CTNNA3: variants seen among roughly 807,000 people sequenced by gnomAD.
The protein encoded by CTNNA3 is catenin alpha-3.
A neutral mutation model predicts 95.7 loss-of-function variants in CTNNA3; 76 were observed. The ratio of observed to expected loss-of-function variants is 0.79; its 90% CI spans 0.66 to 0.96. CTNNA3 has a LOEUF of 0.96. Ranked by LOEUF, CTNNA3 falls within the 40% of genes least tolerant of loss-of-function variation. CTNNA3 has a pLI of 0.00. For synonymous variants in CTNNA3, 431 were observed against 374.4 expected (o/e 1.15, Z -1.74); for missense variants, 1,191 against 1,089.8 (o/e 1.09, Z -1.31).
intron 13 of CTNNA3, among the ~76,000 whole-genome samples, chr10:66,209,677 G>A (rs956584047): frequency 3.3e-5 from 5 of 152,096 alleles, no homozygotes; most frequent in African/African-American, 1.2e-4. Flanking sequence ...GAAAAAAATA[G>A]AGGAGTCAGG....
intron 13 of CTNNA3, among the ~76,000 whole-genome samples, chr10:66,193,240 A>G (rs536513561): frequency 6.6e-6 from 1 of 152,264 alleles, no homozygotes; most frequent in East Asian, 1.9e-4. Context: ...CAGAGAGTAA[A>G]CCTTCAGGTT....
intron 15 of CTNNA3, among the ~76,000 whole-genome samples, chr10:66,024,085 AT>A (rs71474007): frequency 0.025 from 2,154 of 87,640 alleles, 38 homozygotes; most frequent in African/African-American, 0.079. Flanking sequence ...TACCATACAC[AT>A]TTTTTTTTTT....
At chr10:65,965,030 A>G (rs996721805) in intron 17 of CTNNA3, among the ~76,000 whole-genome samples, 1 of 152,230 alleles carries the variant, frequency 6.6e-6, no homozygotes, top group African/African-American at 2.4e-5. Context: ...GGGCACTAGT[A>G]ATGCACTCAC....
At chr10:67,029,420 G>A (rs1489033035) in intron 7 of CTNNA3, among the ~76,000 whole-genome samples, 4 of 152,164 alleles carry the variant, frequency 2.6e-5, no homozygotes, top group Non-Finnish European at 5.9e-5. Flanking sequence ...GGTTAAAGCA[G>A]TTGGCATTTG....
chr10:66,038,845 T>C (rs947960370), intron 15 of CTNNA3, among the ~76,000 whole-genome samples: 25 of 152,140 alleles, frequency 1.6e-4, no homozygotes, highest in African/African-American at 5.6e-4. Context: ...AAGAAAAGAA[T>C]GTTCTCTGTC....
chr10:67,175,377 C>G (rs763812740), intron 7 of CTNNA3, among the ~76,000 whole-genome samples: 38 of 152,010 alleles, frequency 2.5e-4, no homozygotes, highest in Non-Finnish European at 4.0e-4. Context: ...AGGAAAAATC[C>G]CATAACATCT....
chr10:66,895,088 G>A (rs1391483276), intron 7 of CTNNA3, among the ~76,000 whole-genome samples: 2 of 146,568 alleles, frequency 1.4e-5, no homozygotes, highest in African/African-American at 2.5e-5. Context: ...TGTCCTACTT[G>A]GAAATGTAGC....
chr10:66,664,909 A>C (rs1400819710), intron 9 of CTNNA3, among the ~76,000 whole-genome samples: 1 of 141,642 alleles, frequency 7.1e-6, no homozygotes, highest in Non-Finnish European at 1.5e-5. Context: ...AAAAAAAAAA[A>C]ACAGAGATCC....
intron 15 of CTNNA3, among the ~76,000 whole-genome samples, chr10:65,992,358 A>C (rs2078562871): frequency 6.6e-6 from 1 of 152,110 alleles, no homozygotes; most frequent in Non-Finnish European, 1.5e-5. Flanking sequence ...AGAATTCAGC[A>C]ATAAAGGAAC....
chr10:66,149,666 CTTTA>C (rs2084086942), intron 13 of CTNNA3, among the ~76,000 whole-genome samples: 1 of 151,762 alleles, frequency 6.6e-6, no homozygotes, highest in African/African-American at 2.4e-5. Flanking sequence ...TATACTTTTA[CTTTA>C]TTTAGAATGG....
chr10:66,928,565 C>A, intron 7 of CTNNA3: 1 of 980,862 alleles, frequency 1.0e-6, no homozygotes, highest in Non-Finnish European at 1.5e-6. Context: ...TTCCCTCTCC[C>A]TCTCACTTTG....
At chr10:67,359,489 A>G (rs1842925720) in intron 5 of CTNNA3, among the ~76,000 whole-genome samples, 1 of 152,140 alleles carries the variant, frequency 6.6e-6, no homozygotes, top group African/African-American at 2.4e-5. Flanking sequence ...GGAAGCAAGT[A>G]AAACGATCTA....
intron 15 of CTNNA3, 62 bp from the exon 16 acceptor site, chr10:65,988,859 T>C (rs945553588): frequency 1.8e-5 from 22 of 1,194,296 alleles, no homozygotes; most frequent in Non-Finnish European, 2.5e-5. Flanking sequence ...TTAGCTACGA[T>C]GGTTCATGAA....
intron 9 of CTNNA3, among the ~76,000 whole-genome samples, chr10:66,713,554 T>G (rs562111242): frequency 2.0e-4 from 31 of 152,190 alleles, no homozygotes; most frequent in Admixed American, 1.8e-3. Flanking sequence ...GGTTCCCTAC[T>G]AATAGATTAT....
chr10:66,019,827 G>C (rs1292793442), intron 15 of CTNNA3, among the ~76,000 whole-genome samples: 1 of 151,906 alleles, frequency 6.6e-6, no homozygotes, highest in Non-Finnish European at 1.5e-5. Flanking sequence ...AACTTTTTTT[G>C]TTTTCTGTCT....
chr10:66,642,222 T>G (rs952391176), intron 9 of CTNNA3, among the ~76,000 whole-genome samples: 1 of 150,520 alleles, frequency 6.6e-6, no homozygotes, highest in Non-Finnish European at 1.5e-5. Context: ...CTTCAGAAAA[T>G]TCTGCAATTA....
intron 12 of CTNNA3, among the ~76,000 whole-genome samples, chr10:66,330,116 G>A (rs1054016838): frequency 6.6e-6 from 1 of 151,928 alleles, no homozygotes; most frequent in South Asian, 2.1e-4. Context: ...TGTGCACAAG[G>A]TAAAAGTTTG....
At chr10:66,881,044 G>C (rs1000454194) in intron 7 of CTNNA3, among the ~76,000 whole-genome samples, 7 of 152,040 alleles carry the variant, frequency 4.6e-5, no homozygotes, top group Non-Finnish European at 4.4e-5. Context: ...CACACTCTAC[G>C]TCAGCTGTCA....
At chr10:67,578,992 T>C (rs1050784405) in intron 3 of CTNNA3, among the ~76,000 whole-genome samples, 1 of 88,718 alleles carries the variant, frequency 1.1e-5, no homozygotes, top group South Asian at 4.5e-4. Context: ...CACCTGATCA[T>C]AGTGATATAT....
Sources: allele counts gnomAD v4.1 joint callset (sites outside exome capture counted in the v4.1 genomes callset), GRCh38; gene constraint gnomAD v4.1.1; transcripts MANE v1.5; gene names NCBI Gene and HGNC (gene_info 2026-07-23, HGNC 2026-07-21).